NLGN1: variants seen among roughly 807,000 people sequenced by gnomAD.
NLGN1 encodes the protein neuroligin 1, also known as neuroligin-1.
A neutral mutation model predicts 65.5 loss-of-function variants in NLGN1; 12 were observed. The observed-to-expected ratio is 0.18, with a 90% CI of 0.12 to 0.30. The LOEUF is 0.30. Ranked by LOEUF, NLGN1 falls within the 10% of genes least tolerant of loss-of-function variation. NLGN1 has a pLI of 1.00. For missense variants in NLGN1, 750 were observed against 1,007.1 expected (o/e 0.74, Z 3.46); for synonymous variants, 350 against 359.5 (o/e 0.97, Z 0.30).
intron 2 of NLGN1, among the ~76,000 whole-genome samples, chr3:173,539,504 T>C (rs1193627534): frequency 6.9e-6 from 1 of 143,916 alleles, no homozygotes; most frequent in Admixed American, 7.1e-5. Context: ...TGTATATGTA[T>C]ATGTATGTAC....
intron 1 of NLGN1, among the ~76,000 whole-genome samples, chr3:173,420,685 A>T (rs1577371030): frequency 6.6e-6 from 1 of 152,194 alleles, no homozygotes; most frequent in African/African-American, 2.4e-5. Flanking sequence ...ACTAGTTTAC[A>T]GTCCCACCAA....
At chr3:173,513,398 T>C (rs1733308937) in intron 2 of NLGN1, among the ~76,000 whole-genome samples, 2 of 152,138 alleles carry the variant, frequency 1.3e-5, no homozygotes, top group African/African-American at 4.8e-5. Flanking sequence ...ACAGCTTAGG[T>C]TTTCCTTACC....
intron 3 of NLGN1, among the ~76,000 whole-genome samples, chr3:173,641,843 C>G (rs1416293020): frequency 6.6e-6 from 1 of 152,124 alleles, no homozygotes; most frequent in Non-Finnish European, 1.5e-5. Context: ...ATTGGAACAG[C>G]TATGCTCTGT....
intron 4 of NLGN1, among the ~76,000 whole-genome samples, chr3:173,933,045 C>T (rs1208358531): frequency 6.6e-6 from 1 of 152,066 alleles, no homozygotes; most frequent in East Asian, 1.9e-4. Context: ...CCTAAACAAG[C>T]AAACTCTGAG....
chr3:174,168,773 G>A (rs1728000692), intron 4 of NLGN1, among the ~76,000 whole-genome samples: 1 of 152,170 alleles, frequency 6.6e-6, no homozygotes, highest in Non-Finnish European at 1.5e-5. Context: ...ACATCCACCT[G>A]CAGGTTCCCT....
chr3:173,847,123 G>A (rs747653600), intron 4 of NLGN1, among the ~76,000 whole-genome samples: 4 of 152,010 alleles, frequency 2.6e-5, no homozygotes, highest in Non-Finnish European at 5.9e-5. Flanking sequence ...TCTCCTAAAT[G>A]TATTCCTTTA....
At chr3:173,714,979 A>G (rs1315185403) in intron 3 of NLGN1, among the ~76,000 whole-genome samples, 2 of 152,118 alleles carry the variant, frequency 1.3e-5, no homozygotes, top group African/African-American at 4.8e-5. Context: ...CTTTTGATAT[A>G]ACATAAAGAG....
At chr3:173,590,090 C>T (rs1355422862) in intron 2 of NLGN1, among the ~76,000 whole-genome samples, 5 of 152,060 alleles carry the variant, frequency 3.3e-5, no homozygotes, top group African/African-American at 1.2e-4. Context: ...CAGCATAGAA[C>T]GTTGTGAATA....
chr3:173,683,404 T>C (rs1286762123), intron 3 of NLGN1, among the ~76,000 whole-genome samples: 2 of 152,128 alleles, frequency 1.3e-5, no homozygotes, highest in Non-Finnish European at 2.9e-5. Flanking sequence ...TTCCCCCAGA[T>C]CCCACTAAGC....
chr3:174,191,002 C>CGT (rs148498871), intron 4 of NLGN1, among the ~76,000 whole-genome samples: 77 of 150,622 alleles, frequency 5.1e-4, no homozygotes, highest in African/African-American at 1.4e-3. Context: ...GTAGTGTGTG[C>CGT]GTGTGTGTGT....
intron 3 of NLGN1, among the ~76,000 whole-genome samples, chr3:173,628,358 T>G (rs1373249674): frequency 6.6e-6 from 1 of 152,150 alleles, no homozygotes; most frequent in African/African-American, 2.4e-5. Flanking sequence ...CTGTAATGCA[T>G]GTGAAAATGC....
chr3:173,501,701 C>A (rs182136257), intron 2 of NLGN1, among the ~76,000 whole-genome samples: 1 of 150,448 alleles, frequency 6.6e-6, no homozygotes, highest in African/African-American at 2.4e-5. Flanking sequence ...GAATTCTCTA[C>A]GTATAGAATT....
At chr3:174,143,613 C>T (rs918547464) in intron 4 of NLGN1, among the ~76,000 whole-genome samples, 14 of 152,138 alleles carry the variant, frequency 9.2e-5, no homozygotes, top group African/African-American at 3.4e-4. Context: ...GACTTTATGA[C>T]TTGCTGATGG....
chr3:173,920,418 T>G (rs1741761215), intron 4 of NLGN1: 1 of 152,150 alleles, frequency 6.6e-6, no homozygotes. Flanking sequence ...TTGTATCACA[T>G]CATATAAGAA....
intron 4 of NLGN1, among the ~76,000 whole-genome samples, chr3:173,931,415 C>T (rs550346005): frequency 1.3e-5 from 2 of 152,166 alleles, no homozygotes; most frequent in South Asian, 4.2e-4. Context: ...TCCCTATTTT[C>T]AAATAGATTG....
At chr3:173,675,547 G>A (rs901171248) in intron 3 of NLGN1, among the ~76,000 whole-genome samples, 1 of 152,096 alleles carries the variant, frequency 6.6e-6, no homozygotes, top group Non-Finnish European at 1.5e-5. Flanking sequence ...CTAATAGGAA[G>A]AGATAGCACT....
At chr3:174,086,232 C>CACATATATATTTATGTATGTGCAT (rs1561007447) in intron 4 of NLGN1, among the ~76,000 whole-genome samples, 15 of 1,090 alleles carry the variant, frequency 0.014, no homozygotes, top group South Asian at 0.042. Flanking sequence ...TATGTATGTG[C>CACATATATATTTATGTATGTGCAT]ACATATATAT....
intron 2 of NLGN1, among the ~76,000 whole-genome samples, chr3:173,483,400 T>C (rs577129264): frequency 2.1e-4 from 32 of 152,036 alleles, no homozygotes; most frequent in Non-Finnish European, 1.6e-4. Context: ...GTTATTGTTA[T>C]AGATTGTGTA....
chr3:174,068,801 A>G lies in NLGN1; in HGVS notation c.647-206514A>G, dbSNP rs113244529. Among the ~76,000 whole-genome samples the G allele has an allele frequency of 2.7e-3, 412 of 152,298 alleles. 3 individuals are homozygous for G. Among genetic ancestry groups the G allele is most frequent in the African/African-American group, 9.5e-3 (394 of 41,564 alleles). On this transcript the variant is annotated intron_variant, in intron 4 of 6. Coordinates refer to ENST00000457714, the Ensembl canonical transcript of NLGN1. ...AAACTTTTAATGAGATTTATCTAAG[A>G]TAATAGGTGAGGTCAAATAGATTTT... is the stretch of plus-strand genomic sequence containing the variant.
Sources: gnomAD v4.1 joint callset for allele counts (sites outside exome capture counted in the v4.1 genomes callset) on GRCh38, gnomAD v4.1.1 for gene constraint, MANE v1.5 for transcripts, NCBI Gene and HGNC (gene_info 2026-07-23, HGNC 2026-07-21) for gene names.